Variants in PCDHGB3 observed in about 807,000 individuals in gnomAD.
The protein encoded by PCDHGB3 is protocadherin gamma-B3.
A neutral mutation model predicts 59.2 loss-of-function variants in PCDHGB3; 40 were observed. The ratio of observed to expected loss-of-function variants is 0.68; its 90% CI spans 0.52 to 0.88. The LOEUF is 0.88. Among genes scored for constraint, PCDHGB3 ranks in the 40% least tolerant of loss-of-function variants. The pLI is 0.00. For missense variants in PCDHGB3, 1,309 were observed against 1,187.9 expected (o/e 1.10, Z -1.50); for synonymous variants, 581 against 503.6 (o/e 1.15, Z -2.06).
At position 141,485,929 on chromosome 5, in the gene PCDHGB3, G is replaced by A; in HGVS notation, c.2416-8878G>A. 1 of 1,614,150 alleles carries A rather than the reference G, an allele frequency of 6.2e-7. No homozygotes were observed. The highest frequency in any genetic ancestry group is 8.5e-7 in the Non-Finnish European group (1 of 1,180,036). ...AATCCAGCTACAGGATTAGTGTGTT[G>A]GAGAGCGCACCAGCGGGCATGGTGC... On this transcript the variant is annotated intron_variant, in intron 1 of 3. Coordinates refer to ENST00000576222, the MANE Select transcript of PCDHGB3 (RefSeq NM_018924.5). This position sits in a 1 kb window ranked among gnomAD's most constrained non-coding sequence, Gnocchi z 5.7.
intron 1 of PCDHGB3, among the ~76,000 whole-genome samples, chr5:141,464,261 T>TC (rs2099079163): frequency 1.5e-5 from 2 of 137,096 alleles, no homozygotes; most frequent in African/African-American, 2.9e-5. Flanking sequence ...CGAGACTCCG[T>TC]CTAAAAAAAA....
At chr5:141,411,309 C>A (rs2095479833) in intron 1 of PCDHGB3, 1 of 152,130 alleles carries the variant, frequency 6.6e-6, no homozygotes, top group African/African-American at 2.4e-5. Context: ...GTGGCTCACA[C>A]CTATAATCAC....
chr5:141,433,993 T>G (rs1367687577), intron 1 of PCDHGB3, among the ~76,000 whole-genome samples: 1 of 152,216 alleles, frequency 6.6e-6, no homozygotes, highest in Non-Finnish European at 1.5e-5. Context: ...GAGTTTTATA[T>G]TCTCTATATA....
At chr5:141,392,625 C>T (rs939952294) in intron 1 of PCDHGB3, 4 of 567,662 alleles carry the variant, frequency 7.0e-6, no homozygotes, top group Non-Finnish European at 8.9e-6. Context: ...CGAAAACACT[C>T]AGATCTCACA....
At chr5:141,437,016 T>G (rs1025489534) in intron 1 of PCDHGB3, among the ~76,000 whole-genome samples, 1 of 152,254 alleles carries the variant, frequency 6.6e-6, no homozygotes, top group Non-Finnish European at 1.5e-5. Flanking sequence ...TTAGATAATT[T>G]CACCAGAAAA....
chr5:141,441,671 C>T (rs1027440120), intron 1 of PCDHGB3: 1 of 287,648 alleles, frequency 3.5e-6, no homozygotes, highest in African/African-American at 2.3e-5. Flanking sequence ...GCGCACAGTG[C>T]GCCTTCGACC....
intron 1 of PCDHGB3, chr5:141,417,742 G>A: frequency 7.0e-7 from 1 of 1,418,808 alleles, no homozygotes. Flanking sequence ...CAGCACACCA[G>A]ATTGCCAGCT....
intron 1 of PCDHGB3, among the ~76,000 whole-genome samples, chr5:141,447,851 C>A (rs961725006): frequency 6.6e-6 from 1 of 151,980 alleles, no homozygotes; most frequent in African/African-American, 2.4e-5. Flanking sequence ...TTTGGGAGGC[C>A]GAGGTGGGTG....
intron 1 of PCDHGB3, chr5:141,423,612 T>G: frequency 6.2e-7 from 1 of 1,611,004 alleles, no homozygotes; most frequent in Non-Finnish European, 8.5e-7. Flanking sequence ...TCTTGATAGC[T>G]GAAGACTCAG....
At chr5:141,395,135 C>A (rs2093181761) in intron 1 of PCDHGB3, 3 of 1,614,104 alleles carry the variant, frequency 1.9e-6, no homozygotes, top group Non-Finnish European at 2.5e-6. Flanking sequence ...CCCAGCCCAA[C>A]TACGCAGACA....
At chr5:141,427,470 G>A (rs765970767) in intron 1 of PCDHGB3, 8 of 509,992 alleles carry the variant, frequency 1.6e-5, no homozygotes, top group African/African-American at 7.7e-5. Flanking sequence ...CGAATCTTCC[G>A]CCAATAATGA....
intron 2 of PCDHGB3, among the ~76,000 whole-genome samples, chr5:141,498,397 G>A (rs1019408022): frequency 1.3e-5 from 2 of 152,136 alleles, no homozygotes; most frequent in African/African-American, 4.8e-5. Flanking sequence ...GAATGGCAGG[G>A]AGTTTTCTCT....
At position 141,477,415 on chromosome 5, in the gene PCDHGB3, A is replaced by T. The variant is rs771293212; in HGVS notation, c.2416-17392A>T. On this transcript the variant is annotated intron_variant, in intron 1 of 3. Coordinates refer to ENST00000576222, the MANE Select transcript of PCDHGB3 (RefSeq NM_018924.5). This position sits in a 1 kb window ranked among gnomAD's most constrained non-coding sequence, Gnocchi z 4.9. ...TCAGCATCACCGCCCGAGACGCCGG[A>T]ACCCCTTCCCTCTCAGCCCTTACAA... 12 of 1,614,162 alleles carry T rather than the reference A, an allele frequency of 7.4e-6. No individual in the cohort carries two copies. The highest frequency in any genetic ancestry group is 1.0e-5 in the Non-Finnish European group (12 of 1,180,020).
At chr5:141,406,346 G>C (rs1296474677) in intron 1 of PCDHGB3, among the ~76,000 whole-genome samples, 1 of 152,092 alleles carries the variant, frequency 6.6e-6, no homozygotes, top group Non-Finnish European at 1.5e-5. Flanking sequence ...ATTTATTCAG[G>C]TCATACTATG....
rs1299607088 is a variant in PCDHGB3 at position 141,472,933 on chromosome 5, C to T, written c.2416-21874C>T. ...CCCAAGAGGAGGAGGTTGTGGTGAG[C>T]CAAGATTATGCCATTGCACTCCAGC... On this transcript the variant is annotated intron_variant, in intron 1 of 3. Coordinates refer to ENST00000576222, the MANE Select transcript of PCDHGB3 (RefSeq NM_018924.5). Among the ~76,000 whole-genome samples, 4 of 143,758 alleles carry T rather than the reference C, an allele frequency of 2.8e-5. No individual in the cohort carries two copies. In the Admixed American group the frequency reaches 2.9e-4, roughly 10 times the overall value. 94.3% of individuals were successfully genotyped at this position (143,758 alleles called of 152,430 possible). A position where few individuals can be genotyped will look rare whatever the true frequency, so the allele number is the denominator to read the frequency against.
At chr5:141,404,769 A>G in intron 1 of PCDHGB3, 2 of 1,611,124 alleles carry the variant, frequency 1.2e-6, no homozygotes, top group Non-Finnish European at 1.7e-6. Flanking sequence ...TGGCTCTCCT[A>G]CCGCCTATTC....
At chr5:141,410,479 G>A in intron 1 of PCDHGB3, 2 of 1,613,956 alleles carry the variant, frequency 1.2e-6, no homozygotes, top group Non-Finnish European at 1.7e-6. Flanking sequence ...TTGCACATAC[G>A]GGTACAAAAG....
At chr5:141,375,326 G>C (rs1771348524) in intron 1 of PCDHGB3, 1 of 1,613,776 alleles carries the variant, frequency 6.2e-7, no homozygotes. Flanking sequence ...CCGGGAAGAG[G>C]TATTCTTGTA....
chr5:141,478,347 C>T, intron 1 of PCDHGB3: 2 of 1,613,802 alleles, frequency 1.2e-6, no homozygotes, highest in Non-Finnish European at 1.7e-6. Context: ...TCCTTGCACG[C>T]GGACGCCGTG....
Sources: gnomAD v4.1 joint callset for allele counts (sites outside exome capture counted in the v4.1 genomes callset) on GRCh38, gnomAD v4.1.1 for gene constraint, Gnocchi (gnomAD v3.1) non-coding constraint, MANE v1.5 for transcripts, NCBI Gene and HGNC (gene_info 2026-07-23, HGNC 2026-07-21) for gene names.